Variants in C19orf38 observed in about 807,000 individuals in gnomAD.
C19orf38 encodes the protein chromosome 19 open reading frame 38, also known as protein HIDE1.
A neutral mutation model predicts 26.6 loss-of-function variants in C19orf38; 14 were observed. The ratio of observed to expected loss-of-function variants is 0.53; its 90% CI spans 0.35 to 0.82. The LOEUF (loss-of-function observed/expected upper bound fraction) is 0.82. Among genes scored for constraint, C19orf38 ranks in the 40% least tolerant of loss-of-function variants. C19orf38 has a pLI of 0.01. For synonymous variants in C19orf38, 132 were observed against 128.5 expected (o/e 1.03, Z -0.18); for missense variants, 261 against 299.5 (o/e 0.87, Z 0.95).
chr19:10,850,377 A>G lies in C19orf38; in HGVS notation c.150A>G (p.Thr50=). The change falls in exon 2 of 7, where the codon ACA becomes ACG. Residue 50 remains threonine (T), a synonymous_variant. Transcript: ENST00000397820. ...APGNFPGANF[T]LYRGGQVVQL... is the part of the protein sequence containing the mutation. Reference sequence around the variant, plus strand: ...GGAACTTCCCGGGGGCGAATTTCACACTGTATCGAGGGGGGCAGGTGGTCC... The same window carrying G: ...GGAACTTCCCGGGGGCGAATTTCACGCTGTATCGAGGGGGGCAGGTGGTCC... 1 of 1,550,808 alleles carries G rather than the reference A, an allele frequency of 6.4e-7. No individual in the cohort carries two copies. The highest frequency in any genetic ancestry group is 1.7e-4 in the Middle Eastern group (1 of 5,976).
chr19:10,846,606 G>A (rs1466744027), upstream of C19orf38, among the ~76,000 whole-genome samples: 1 of 152,082 alleles, frequency 6.6e-6, no homozygotes, highest in East Asian at 1.9e-4. Context: ...CAATAACAAT[G>A]ATTAGCTCCT....
rs140372942 is a variant in C19orf38, at chr19:10,856,399, A to G, written c.433+42A>G. On this transcript the variant is annotated intron_variant, in intron 3 of 6. Transcript: ENST00000397820. ...CCTGGCACACAAGTTGCCAGTTGAC[A>G]ACTTCTGGAACGTGAAGATGTGCTT... 342 of 1,486,210 alleles carry G rather than the reference A, an allele frequency of 2.3e-4. 1 individual carries two copies. In the African/African-American group the frequency reaches 4.3e-3, roughly 19 times the overall value. 92.1% of individuals were successfully genotyped at this position (1,486,210 alleles called of 1,614,324 possible). A position where few individuals can be genotyped will look rare whatever the true frequency, so the allele number is the denominator to read the frequency against.
intron 2 of C19orf38, among the ~76,000 whole-genome samples, chr19:10,853,064 T>A (rs1210948402): frequency 6.6e-6 from 1 of 151,100 alleles, no homozygotes; most frequent in East Asian, 1.9e-4. Flanking sequence ...AAAAAAAAAT[T>A]ATTTTATTTT....
chr19:10,848,294 C>T (rs375526032), upstream of C19orf38: 11 of 531,802 alleles, frequency 2.1e-5, no homozygotes, highest in East Asian at 1.4e-4. Flanking sequence ...GAGAGGTGCG[C>T]GGGTCTGATG....
intron 6 of C19orf38, among the ~76,000 whole-genome samples, chr19:10,866,426 G>A (rs1425798313): frequency 7.1e-6 from 1 of 140,420 alleles, no homozygotes; most frequent in South Asian, 2.2e-4. Context: ...GGCTAGTCTC[G>A]AACTCCTGAC....
intron 1 of C19orf38, among the ~76,000 whole-genome samples, chr19:10,849,074 C>T (rs1398750809): frequency 6.6e-6 from 1 of 152,094 alleles, no homozygotes; most frequent in Non-Finnish European, 1.5e-5. Context: ...AAGTCCTCTG[C>T]CCTTCCTTCT....
intron 6 of C19orf38, among the ~76,000 whole-genome samples, chr19:10,866,034 T>A (rs549249260): frequency 2.0e-5 from 3 of 151,532 alleles, no homozygotes; most frequent in Non-Finnish European, 2.9e-5. Context: ...TATTTTTAAA[T>A]TTTATTTTAT....
intron 3 of C19orf38, 88 bp from the exon 4 acceptor site, chr19:10,858,226 TAA>T (rs371026775): frequency 0.027 from 8,580 of 317,374 alleles, no homozygotes; most frequent in Middle Eastern, 0.04. Context: ...AGACTCTGTC[TAA>T]AAAAAAAAAA....
intron 1 of C19orf38, chr19:10,841,778 GC>G (rs1397970484): frequency 2.7e-5 from 25 of 909,650 alleles, no homozygotes; most frequent in Admixed American, 1.7e-4. Flanking sequence ...TTCCCGACTA[GC>G]CTGGGCAGCA....
At chr19:10,853,789 G>A (rs1055609543) in intron 2 of C19orf38, among the ~76,000 whole-genome samples, 2 of 150,998 alleles carry the variant, frequency 1.3e-5, no homozygotes, top group South Asian at 4.2e-4. Flanking sequence ...AGTAAGAAGG[G>A]GTTTCACAGT....
chr19:10,853,622 G>C (rs1411200568), intron 2 of C19orf38, among the ~76,000 whole-genome samples: 6 of 125,766 alleles, frequency 4.8e-5, no homozygotes, highest in African/African-American at 1.8e-4. Context: ...GACAGTCTCG[G>C]TCTGTCGCCC....
At chr19:10,847,323 C>T (rs1304894573), upstream of C19orf38, among the ~76,000 whole-genome samples, 2 of 150,830 alleles carry the variant, frequency 1.3e-5, no homozygotes, top group African/African-American at 2.4e-5. Context: ...ACCCACTAGG[C>T]GTTGCATTTC....
intron 6 of C19orf38, among the ~76,000 whole-genome samples, chr19:10,866,717 T>C (rs2073755997): frequency 6.6e-6 from 1 of 151,884 alleles, no homozygotes; most frequent in Admixed American, 6.6e-5. Context: ...TGGTGCCATC[T>C]GCAGCCTCCA....
intron 2 of C19orf38, among the ~76,000 whole-genome samples, chr19:10,852,925 T>C (rs2073587092): frequency 6.6e-6 from 1 of 151,682 alleles, no homozygotes; most frequent in Non-Finnish European, 1.5e-5. Context: ...GTCAGAACTT[T>C]CCTGGCCGGG....
intron 6 of C19orf38, among the ~76,000 whole-genome samples, chr19:10,864,380 G>A (rs892637404): frequency 1.3e-5 from 2 of 152,072 alleles, no homozygotes; most frequent in Non-Finnish European, 2.9e-5. Flanking sequence ...GAAAGTCTGA[G>A]ATGGGTGACA....
At chr19:10,847,785 G>A (rs562290877), upstream of C19orf38, among the ~76,000 whole-genome samples, 27 of 152,254 alleles carry the variant, frequency 1.8e-4, 1 homozygote, top group African/African-American at 6.3e-4. Flanking sequence ...TCCCACTCCT[G>A]CCCATATTTG....
Position 10,856,275 on chromosome 19 carries a change from G to A in C19orf38, c.351G>A (p.Trp117Ter). 1 of 1,550,998 alleles carries A rather than the reference G, an allele frequency of 6.4e-7. No homozygotes were observed. ...PVNVSFPVPT[W>*]ILVLSLSLAG... ...CTGATTTTCCTCCAGTGCCCACTTGGATCTTGGTGCTCTCCCTGAGCCTGG... is the reference window on the plus strand; with the variant it reads ...CTGATTTTCCTCCAGTGCCCACTTGAATCTTGGTGCTCTCCCTGAGCCTGG... The change falls in exon 3 of 7, where the codon TGG (tryptophan) becomes TGA (stop). Residue 117 changes from tryptophan (W) to a stop codon, truncating the protein, a stop_gained. Transcript: ENST00000397820. LOFTEE classifies it high-confidence loss of function.
At chr19:10,864,078 C>G (rs1210746074) in intron 6 of C19orf38, among the ~76,000 whole-genome samples, 1 of 151,918 alleles carries the variant, frequency 6.6e-6, no homozygotes, top group Non-Finnish European at 1.5e-5. Flanking sequence ...TGTTTTTTTT[C>G]AAGACAGAGT....
At chr19:10,853,988 G>A (rs1160386235) in intron 2 of C19orf38, among the ~76,000 whole-genome samples, 5 of 151,392 alleles carry the variant, frequency 3.3e-5, no homozygotes, top group Admixed American at 6.6e-5. Flanking sequence ...GGGAGGTAGA[G>A]GATATAGTGA....
Sources: allele counts gnomAD v4.1 joint callset (sites outside exome capture counted in the v4.1 genomes callset), GRCh38; gene constraint gnomAD v4.1.1; transcripts MANE v1.5; gene names NCBI Gene and HGNC (gene_info 2026-07-23, HGNC 2026-07-21).